ABCC4: variants seen among roughly 807,000 people sequenced by gnomAD.
The protein encoded by ABCC4 is ATP binding cassette subfamily C member 4 (PEL blood group).
A neutral mutation model predicts 168.5 loss-of-function variants in ABCC4; 102 were observed. The ratio of observed to expected loss-of-function variants is 0.61; its 90% confidence interval spans 0.52 to 0.71. The LOEUF (loss-of-function observed/expected upper bound fraction) is 0.71, where lower values mean the gene tolerates loss of function less well. ABCC4 is among the 30% of genes least tolerant of loss of function. The probability of loss-of-function intolerance (pLI) is 0.00; values close to 1 mark genes in which losing one functional copy is unlikely to be tolerated. For missense variants in ABCC4, 1,402 were observed against 1,605.8 expected (o/e 0.87, Z 2.17); for synonymous variants, 617 against 590.7 (o/e 1.04, Z -0.65).
intron 19 of ABCC4, among the ~76,000 whole-genome samples, chr13:95,140,222 A>G (rs1043299321): frequency 7.2e-5 from 11 of 152,100 alleles, no homozygotes; most frequent in Non-Finnish European, 1.6e-4. Context: ...CGTTTCCTCA[A>G]CTCTGGGGAC....
intron 4 of ABCC4, among the ~76,000 whole-genome samples, chr13:95,215,896 C>T (rs1219795043): frequency 1.5e-5 from 2 of 132,478 alleles, no homozygotes; most frequent in East Asian, 2.1e-4. Flanking sequence ...CAAAGTTCTA[C>T]CTAAAATCAA....
At chr13:95,131,988 G>GAT (rs1309054523) in intron 19 of ABCC4, among the ~76,000 whole-genome samples, 1 of 152,076 alleles carries the variant, frequency 6.6e-6, no homozygotes, top group Non-Finnish European at 1.5e-5. Flanking sequence ...GTCTAAAAGA[G>GAT]ATATGCGCAC....
chr13:95,295,030 C>G (rs144922410), intron 1 of ABCC4, among the ~76,000 whole-genome samples: 47 of 152,230 alleles, frequency 3.1e-4, no homozygotes, highest in Non-Finnish European at 4.6e-4. Flanking sequence ...ATAATCTAAA[C>G]CGCAGAGGAT....
At chr13:95,227,298 C>T (rs1432616577) in intron 4 of ABCC4, among the ~76,000 whole-genome samples, 1 of 152,178 alleles carries the variant, frequency 6.6e-6, no homozygotes, top group Non-Finnish European at 1.5e-5. Flanking sequence ...AAGCTATTCC[C>T]TAGCAAACTA....
chr13:95,077,880 A>T (rs2033960553), intron 21 of ABCC4, among the ~76,000 whole-genome samples: 1 of 152,106 alleles, frequency 6.6e-6, no homozygotes. Context: ...CAAGACATGG[A>T]GGTTCCACAT....
At chr13:95,153,388 A>C (rs2036753273) in intron 19 of ABCC4, among the ~76,000 whole-genome samples, 1 of 152,228 alleles carries the variant, frequency 6.6e-6, no homozygotes, top group Non-Finnish European at 1.5e-5. Context: ...GACAACACAT[A>C]TCAAATCAGT....
chr13:95,218,117 C>G (rs951914846), intron 4 of ABCC4, among the ~76,000 whole-genome samples: 1 of 152,002 alleles, frequency 6.6e-6, no homozygotes, highest in Admixed American at 6.6e-5. Context: ...ATGACCCTAC[C>G]CCAGAGTTGA....
At chr13:95,231,938 A>G (rs774480982) in intron 4 of ABCC4, among the ~76,000 whole-genome samples, 15 of 152,174 alleles carry the variant, frequency 9.9e-5, no homozygotes, top group Non-Finnish European at 1.9e-4. Flanking sequence ...ACCGGACTTC[A>G]TGTAGGGTGT....
chr13:95,033,784 C>T (rs1045928899), intron 30 of ABCC4, among the ~76,000 whole-genome samples: 3 of 151,968 alleles, frequency 2.0e-5, no homozygotes, highest in Admixed American at 2.0e-4. Context: ...TGCCTAGCCT[C>T]CTGAGTAGCT....
chr13:95,273,367 T>G (rs1440037961), intron 1 of ABCC4, among the ~76,000 whole-genome samples: 1 of 152,086 alleles, frequency 6.6e-6, no homozygotes, highest in Non-Finnish European at 1.5e-5. Flanking sequence ...GGGCGTGGGG[T>G]CCCAAATAAC....
At chr13:95,195,963 C>T (rs1158504191) in intron 8 of ABCC4, among the ~76,000 whole-genome samples, 2 of 152,202 alleles carry the variant, frequency 1.3e-5, no homozygotes, top group Non-Finnish European at 2.9e-5. Context: ...TAGTCAATGT[C>T]CCCTCCTAGA....
intron 1 of ABCC4, among the ~76,000 whole-genome samples, chr13:95,262,400 T>C (rs9524870): frequency 0.062 from 9,474 of 152,278 alleles, 441 homozygotes; most frequent in Non-Finnish European, 0.098. Flanking sequence ...TGTTTCCTAA[T>C]ACAGATCTAT....
chr13:95,155,916 A>T (rs2139523441), intron 19 of ABCC4, among the ~76,000 whole-genome samples: 1 of 152,364 alleles, frequency 6.6e-6, no homozygotes, highest in East Asian at 1.9e-4. Context: ...ACAAAGAGTG[A>T]AATTGTAGAG....
At chr13:95,212,129 T>C (rs1299165399) in intron 4 of ABCC4, among the ~76,000 whole-genome samples, 10 of 143,548 alleles carry the variant, frequency 7.0e-5, no homozygotes, top group African/African-American at 7.8e-5. Context: ...CAGCCAAGAT[T>C]GCACCACTGT....
At chr13:95,037,372 T>C (rs1427712811) in intron 29 of ABCC4, among the ~76,000 whole-genome samples, 1 of 152,206 alleles carries the variant, frequency 6.6e-6, no homozygotes, top group African/African-American at 2.4e-5. Context: ...ATAAGGTAAT[T>C]TCCTTCCTTC....
chr13:95,086,753 T>C (rs2139340934), intron 20 of ABCC4, among the ~76,000 whole-genome samples: 1 of 152,362 alleles, frequency 6.6e-6, no homozygotes, highest in South Asian at 2.1e-4. Flanking sequence ...TGGCTCATTC[T>C]ATTCCTCATT....
chr13:95,247,918 G>GCGCACACACACACACA (rs145006616), intron 1 of ABCC4, among the ~76,000 whole-genome samples, 165 bp from the exon 2 acceptor site: 13 of 142,656 alleles, frequency 9.1e-5, no homozygotes, highest in African/African-American at 2.5e-4. Context: ...GTTAACATGT[G>GCGCACACACACACACA]CACACACACA....
chr13:95,174,776 G>C (rs968514979), intron 13 of ABCC4, among the ~76,000 whole-genome samples: 1 of 152,130 alleles, frequency 6.6e-6, no homozygotes, highest in African/African-American at 2.4e-5. Context: ...GGCCCTTCTC[G>C]GCGAAATGGA....
chr13:95,136,851 A>G (rs2036157988), intron 19 of ABCC4, among the ~76,000 whole-genome samples: 1 of 152,206 alleles, frequency 6.6e-6, no homozygotes, highest in Non-Finnish European at 1.5e-5. Flanking sequence ...CCAGGCGCAC[A>G]CGGCTCGCCA....
Sources: allele counts gnomAD v4.1 joint callset (sites outside exome capture counted in the v4.1 genomes callset), GRCh38; gene constraint gnomAD v4.1.1; transcripts MANE v1.5; gene names NCBI Gene and HGNC (gene_info 2026-07-23, HGNC 2026-07-21).